KDM1B: variants seen among roughly 807,000 people sequenced by gnomAD.
The protein encoded by KDM1B is lysine-specific histone demethylase 2.
Under a neutral mutation model 107.4 loss-of-function variants are expected in KDM1B, and 63 were observed. The observed-to-expected ratio is 0.59, with a 90% CI of 0.48 to 0.72. The LOEUF (loss-of-function observed/expected upper bound fraction) is 0.72, where lower values mean the gene tolerates loss of function less well. Ranked by LOEUF, KDM1B falls within the 30% of genes least tolerant of loss-of-function variation. The pLI is 0.00. For synonymous variants in KDM1B, 363 were observed against 363.9 expected (o/e 1.00, Z 0.03); for missense variants, 749 against 1,020.8 (o/e 0.73, Z 3.63).
At chr6:18,182,281 T>C (rs1417615346) in intron 7 of KDM1B, among the ~76,000 whole-genome samples, 1 of 152,106 alleles carries the variant, frequency 6.6e-6, no homozygotes, top group Admixed American at 6.5e-5. Context: ...ATTGTTCCAG[T>C]ATGAATCGAT....
chr6:18,159,892 T>C lies in KDM1B; in HGVS notation c.-4T>C. The C allele has an allele frequency of 6.3e-7, 1 of 1,587,308 alleles. No homozygotes were observed. The highest frequency in any genetic ancestry group is 1.1e-5 in the South Asian group (1 of 88,106). ...GATTTTTCTTTTGCAGATTATTTAATGTAATGGCAACTCCACGGGGGAGGA... is the reference window on the plus strand; with the variant it reads ...GATTTTTCTTTTGCAGATTATTTAACGTAATGGCAACTCCACGGGGGAGGA... On this transcript the variant is annotated 5_prime_UTR_variant, in exon 3 of 22. It removes an upstream start codon present in the reference 5' UTR. Transcript: ENST00000650836. This position sits in a 1 kb window ranked among gnomAD's most constrained non-coding sequence, Gnocchi z 4.5.
Position 18,209,955 on chromosome 6 carries a change from A to G in KDM1B, c.1866+1749A>G, listed in dbSNP as rs1210181248. ...TCAGCCTCTGCTGTTCTGTAGCTCC[A>G]CTTCTTGGTGTCCAGGACAGCAAGC... On this transcript the variant is annotated intron_variant, in intron 17 of 21. Coordinates refer to ENST00000650836, the MANE Select transcript of KDM1B (RefSeq NM_001364614.2). This position sits in a 1 kb window ranked among gnomAD's most constrained non-coding sequence, Gnocchi z 4.3. Among the ~76,000 whole-genome samples, 3 of 151,700 alleles carry G rather than the reference A, an allele frequency of 2.0e-5. No homozygotes were observed. Among genetic ancestry groups the G allele is most frequent in the Non-Finnish European group, 4.4e-5 (3 of 67,938 alleles).
rs564943740 is a variant in KDM1B, at chr6:18,222,083, C to T, written c.*91C>T. 1.5e-5 allele frequency: 17 copies of T among 1,116,714 alleles called. No individual in the cohort carries two copies. Among genetic ancestry groups the T allele is most frequent in the East Asian group, 2.4e-5 (1 of 42,354 alleles). The allele number at this position is 1,116,714 out of a possible 1,614,324, so 69.2% of individuals were successfully genotyped here. On this transcript the variant is annotated 3_prime_UTR_variant, in exon 22 of 22. Transcript: ENST00000650836. Reference sequence around the variant, plus strand: ...CAGTTTTATAAGAGGGGGAAAAAACCGTCTCTACATAGTAAAACTGAAATG... The same window carrying T: ...CAGTTTTATAAGAGGGGGAAAAAACTGTCTCTACATAGTAAAACTGAAATG...
intron 7 of KDM1B, among the ~76,000 whole-genome samples, chr6:18,177,450 T>C (rs1303181037): frequency 1.3e-5 from 2 of 152,044 alleles, no homozygotes; most frequent in East Asian, 3.9e-4. Flanking sequence ...TTTGTTTCAA[T>C]TTCATTTAGT....
chr6:18,165,789 T>A (rs1258305276), intron 5 of KDM1B, among the ~76,000 whole-genome samples: 3 of 152,226 alleles, frequency 2.0e-5, no homozygotes, highest in African/African-American at 7.2e-5. Context: ...GCCATTGCGC[T>A]GCAGCCTGGG....
rs1205688854 is a variant in KDM1B at position 18,222,312 on chromosome 6, T to G, written c.*320T>G. Reference sequence around the variant, plus strand: ...CCATGGCTGGAAGTTCCCTTTAGATTTCACATTTTATATGGCTGATCAATT... The same window carrying G: ...CCATGGCTGGAAGTTCCCTTTAGATGTCACATTTTATATGGCTGATCAATT... On this transcript the variant is annotated 3_prime_UTR_variant, in exon 22 of 22. Coordinates refer to ENST00000650836, the MANE Select transcript of KDM1B (RefSeq NM_001364614.2). The G allele has an allele frequency of 2.4e-6, 1 of 411,502 alleles. No individual in the cohort carries two copies. The highest frequency in any genetic ancestry group is 4.6e-6 in the Non-Finnish European group (1 of 216,322). The allele number at this position is 411,502 out of a possible 1,614,324, so 25.5% of individuals were successfully genotyped here.
At chr6:18,179,848 TCC>T (rs148048401) in intron 7 of KDM1B, among the ~76,000 whole-genome samples, 1,010 of 47,868 alleles carry the variant, frequency 0.021, 217 homozygotes, top group Non-Finnish European at 0.025. Context: ...TGGTTTTTTT[TCC>T]TTTTTTTTTT....
chr6:18,189,827 A>G (rs911277721), intron 9 of KDM1B, among the ~76,000 whole-genome samples: 1 of 152,148 alleles, frequency 6.6e-6, no homozygotes, highest in African/African-American at 2.4e-5. Flanking sequence ...GAACCTATTC[A>G]TTTTATAGTC....
rs547097932 is a variant in KDM1B at position 18,157,668 on chromosome 6, A to G, written c.-14+1742A>G. ...ATAATGTCAGGTATATTTTATATAT[A>G]AATGAAGAGATTTGTATATTTATGT... On this transcript the variant is annotated intron_variant, in intron 2 of 21. Coordinates refer to ENST00000650836, the MANE Select transcript of KDM1B (RefSeq NM_001364614.2). Among the ~76,000 whole-genome samples, 9 of 151,226 alleles carry G rather than the reference A, an allele frequency of 6.0e-5. No homozygotes were observed. The South Asian group carries it at 1.9e-3, about 32-fold the overall frequency.
rs963973700 is a variant in KDM1B at position 18,209,380 on chromosome 6, C to T, written c.1866+1174C>T. Among the ~76,000 whole-genome samples the T allele has an allele frequency of 6.6e-6, 1 of 152,174 alleles. No homozygotes were observed. The highest frequency in any genetic ancestry group is 1.5e-5 in the Non-Finnish European group (1 of 68,036). ...AGGTATCTAAAACTTATTTCATAGT[C>T]CTTGATTTTCATACAGAAGTAAAGG... On this transcript the variant is annotated intron_variant, in intron 17 of 21. Coordinates refer to ENST00000650836, the MANE Select transcript of KDM1B (RefSeq NM_001364614.2). This position sits in a 1 kb window ranked among gnomAD's most constrained non-coding sequence, Gnocchi z 4.3.
In KDM1B at chr6:18,205,439, T is replaced by TGGG; in HGVS notation, c.1532-97_1532-95dup. On this transcript the variant is annotated intron_variant, in intron 14 of 21. Transcript: ENST00000650836. The surrounding 1 kb of genome is among the most constrained non-coding windows in gnomAD (Gnocchi z 5.7). ...ACTTGGGAAAAGACTTTGGAAGTTT[T>TGGG]GGGTGTTGCTGGGTGACAGAGGTTG... 8.6e-7 allele frequency: 1 copy of TGGG among 1,164,326 alleles called. No individual in the cohort carries two copies. The highest frequency in any genetic ancestry group is 2.6e-5 in the Admixed American group (1 of 39,214). The allele number at this position is 1,164,326 out of a possible 1,614,324, so 72.1% of individuals were successfully genotyped here.
chr6:18,184,736 CTTTTTTTT>C (rs58897300), intron 7 of KDM1B, among the ~76,000 whole-genome samples: 88 of 65,474 alleles, frequency 1.3e-3, no homozygotes, highest in African/African-American at 3.7e-3. Flanking sequence ...AGCTTTTTTC[CTTTTTTTT>C]TTTTTTTTTT....
chr6:18,210,342 CTTTTTTTTT>C (rs533016543), intron 17 of KDM1B, among the ~76,000 whole-genome samples: 9 of 69,986 alleles, frequency 1.3e-4, no homozygotes, highest in African/African-American at 2.6e-4. Flanking sequence ...TCTTTCTTTT[CTTTTTTTTT>C]TTTTTTTTTT....
intron 15 of KDM1B, among the ~76,000 whole-genome samples, chr6:18,206,764 C>A (rs1788402662): frequency 6.6e-6 from 1 of 152,026 alleles, no homozygotes; most frequent in Non-Finnish European, 1.5e-5. Context: ...CTGCAGAGGG[C>A]CTTGGGTCAT....
At position 18,171,368 on chromosome 6, in the gene KDM1B, G is replaced by A. The variant is rs756229529; in HGVS notation, c.423G>A (p.Gln141=). 3.9e-6 allele frequency: 6 copies of A among 1,557,906 alleles called. No homozygotes were observed. The highest frequency in any genetic ancestry group is 8.9e-7 in the Non-Finnish European group (1 of 1,128,894). Residue 141 remains glutamine, a synonymous_variant, in exon 7 of 22, where the codon CAG becomes CAA. Transcript: ENST00000650836. ...ACTTGATACTTCCCATCTAGGTTCAGTGTACAAAACCTGAGTGTAGAAAAT... is the reference window on the plus strand; with the variant it reads ...ACTTGATACTTCCCATCTAGGTTCAATGTACAAAACCTGAGTGTAGAAAAT... ...MADQQLPYWV[Q]CTKPECRKWR...
intron 6 of KDM1B, among the ~76,000 whole-genome samples, chr6:18,170,013 A>T (rs1192247954): frequency 6.6e-6 from 1 of 151,782 alleles, no homozygotes; most frequent in Non-Finnish European, 1.5e-5. Flanking sequence ...AGTTCAAGCG[A>T]TTCTCCTGCC....
chr6:18,221,033 C>T (rs969950982), intron 21 of KDM1B, among the ~76,000 whole-genome samples: 2 of 151,512 alleles, frequency 1.3e-5, no homozygotes, highest in South Asian at 4.2e-4. Context: ...GCGTGAGCCA[C>T]CGCTCCTTCT....
At chr6:18,220,762 T>C (rs1207334919) in intron 21 of KDM1B, among the ~76,000 whole-genome samples, 1 of 151,546 alleles carries the variant, frequency 6.6e-6, no homozygotes, top group East Asian at 1.9e-4. Flanking sequence ...ATGCGATTAT[T>C]ACCTCACCTT....
chr6:18,170,576 G>T (rs1441559411), intron 6 of KDM1B, among the ~76,000 whole-genome samples: 3 of 151,508 alleles, frequency 2.0e-5, no homozygotes, highest in South Asian at 2.1e-4. Flanking sequence ...ACCTCCCCAG[G>T]CTCAAGCCAT....
Sources: allele counts gnomAD v4.1 joint callset (sites outside exome capture counted in the v4.1 genomes callset), GRCh38; gene constraint gnomAD v4.1.1; non-coding constraint Gnocchi (gnomAD v3.1); transcripts MANE v1.5; gene names NCBI Gene and HGNC (gene_info 2026-07-23, HGNC 2026-07-21).